Variants in CLPX observed in about 807,000 individuals in gnomAD.
The protein encoded by CLPX is ATP-dependent clpX-like chaperone, mitochondrial.
CLPX carries 34 observed loss-of-function variants against 76.4 expected under a neutral mutation model. The ratio of observed to expected loss-of-function variants is 0.45; its 90% CI spans 0.34 to 0.59. The LOEUF (loss-of-function observed/expected upper bound fraction) is 0.59, where lower values mean the gene tolerates loss of function less well. Among genes scored for constraint, CLPX ranks in the 20% least tolerant of loss-of-function variants. The pLI, the probability that CLPX is intolerant of heterozygous loss-of-function variation, is 0.01. For synonymous variants in CLPX, 248 were observed against 270.9 expected (o/e 0.92, Z 0.83); for missense variants, 613 against 757.0 (o/e 0.81, Z 2.23).
At chr15:65,179,388 A>C (rs2088133835) in intron 2 of CLPX, among the ~76,000 whole-genome samples, 1 of 152,232 alleles carries the variant, frequency 6.6e-6, no homozygotes. Context: ...AGGAGTTATT[A>C]TCATGGTAGG....
At chr15:65,163,738 C>T (rs940289375) in intron 5 of CLPX, among the ~76,000 whole-genome samples, 5 of 152,134 alleles carry the variant, frequency 3.3e-5, no homozygotes, top group Non-Finnish European at 4.4e-5. Flanking sequence ...CCCCCCGCCT[C>T]GGCCTCCAAA....
intron 1 of CLPX, chr15:65,184,617 C>T (rs948550845): frequency 5.8e-6 from 1 of 172,426 alleles, no homozygotes; most frequent in Non-Finnish European, 1.3e-5. Flanking sequence ...CTGGGGGACC[C>T]TAGTAGGGAC....
At chr15:65,162,513 T>C in intron 6 of CLPX, 91 bp downstream of exon 6, 1 of 799,500 alleles carries the variant, frequency 1.3e-6, no homozygotes, top group South Asian at 1.6e-5. Context: ...AGCAAATACA[T>C]ACATGTCTAT....
At chr15:65,157,932 A>C in intron 7 of CLPX, 22 bp from the exon 8 acceptor site, 2 of 1,546,320 alleles carry the variant, frequency 1.3e-6, no homozygotes, top group Non-Finnish European at 1.7e-6. Context: ...AACAGTCACT[A>C]AAAGTTTACT....
At chr15:65,157,022 A>G (rs1186040003) in intron 8 of CLPX, 90 bp from the exon 9 acceptor site, 1 of 744,120 alleles carries the variant, frequency 1.3e-6, no homozygotes, top group African/African-American at 1.8e-5. Flanking sequence ...CTAGAGAACA[A>G]AGTTATTTGA....
intron 4 of CLPX, among the ~76,000 whole-genome samples, chr15:65,165,336 A>C (rs1419653165): frequency 6.6e-6 from 1 of 151,996 alleles, no homozygotes; most frequent in Admixed American, 6.6e-5. Context: ...TTAAAAAATA[A>C]ATAATTCAAA....
At chr15:65,151,635 A>G (rs1209432447) in intron 13 of CLPX, among the ~76,000 whole-genome samples, 1 of 152,146 alleles carries the variant, frequency 6.6e-6, no homozygotes, top group African/African-American at 2.4e-5. Context: ...AGTAAAAATG[A>G]TAATTCAGGT....
Sources: allele counts gnomAD v4.1 joint callset (sites outside exome capture counted in the v4.1 genomes callset), GRCh38; gene constraint gnomAD v4.1.1; transcripts MANE v1.5; gene names NCBI Gene and HGNC (gene_info 2026-07-23, HGNC 2026-07-21).